The following VPS13D variants were observed in gnomAD, a reference collection of about 807,000 sequenced individuals.
The protein encoded by VPS13D is intermembrane lipid transfer protein VPS13D.
In VPS13D, 187 loss-of-function variants were observed where a neutral mutation model predicts 461.9. That is an observed-to-expected ratio of 0.40 (90% CI 0.36 to 0.46). The LOEUF is 0.46. VPS13D is among the 20% of genes least tolerant of loss of function. VPS13D has a pLI of 0.60. For missense variants in VPS13D, 4,711 were observed against 5,364.9 expected (o/e 0.88, Z 3.81); for synonymous variants, 1,951 against 1,986.3 (o/e 0.98, Z 0.47).
rs1400315397 is a variant in VPS13D at position 12,323,902 on chromosome 1, G to A, written c.7990+122G>A. On this transcript the variant is annotated intron_variant, in intron 35 of 69. Transcript: ENST00000620676. ...AGTGTGTTTGGAGGACGCTTTATGTGTCTTCTCTGGACTGCATATCATCTT... is the reference window on the plus strand; with the variant it reads ...AGTGTGTTTGGAGGACGCTTTATGTATCTTCTCTGGACTGCATATCATCTT... 5.2e-6 allele frequency: 5 copies of A among 959,216 alleles called. No homozygotes were observed. In the African/African-American group the frequency reaches 8.1e-5, roughly 16 times the overall value. The allele number at this position is 959,216 out of a possible 1,614,324, so 59.4% of individuals were successfully genotyped here.
intron 65 of VPS13D, among the ~76,000 whole-genome samples, chr1:12,441,217 G>A (rs890221063): frequency 6.6e-6 from 1 of 152,208 alleles, no homozygotes; most frequent in African/African-American, 2.4e-5. Flanking sequence ...GTGAGCAACT[G>A]TGCCCAACCA....
At chr1:12,250,399 A>C (rs937589898) in intron 6 of VPS13D, among the ~76,000 whole-genome samples, 1 of 152,024 alleles carries the variant, frequency 6.6e-6, no homozygotes, top group African/African-American at 2.4e-5. Context: ...CAACAATGAC[A>C]CTCCTGTCAG....
At chr1:12,251,497 A>G (rs1000259344) in intron 6 of VPS13D, among the ~76,000 whole-genome samples, 2 of 152,076 alleles carry the variant, frequency 1.3e-5, no homozygotes, top group African/African-American at 2.4e-5. Flanking sequence ...AGTGTTTTCC[A>G]TGTCAGGACC....
chr1:12,276,637 G>A lies in VPS13D; in HGVS notation c.3049G>A (p.Asp1017Asn). 6.2e-7 allele frequency: 1 copy of A among 1,614,140 alleles called. No individual in the cohort carries two copies. The highest frequency in any genetic ancestry group is 8.5e-7 in the Non-Finnish European group (1 of 1,180,026). The change falls in exon 19 of 70, where the codon GAC (aspartate) becomes AAC (asparagine). Residue 1017 changes from aspartate (D) to asparagine (N), a missense_variant. By Grantham distance (23) the Asp-to-Asn change is conservative. Transcript: ENST00000620676. The surrounding 1 kb of genome is among the most constrained non-coding windows in gnomAD (Gnocchi z 4.5). The part of the protein sequence containing the change: ...DTMQTYGADF[D>N]LLMASHKNLS... ...CATGCAGACATATGGTGCTGATTTT[G>A]ACCTTTTGATGGCTTCACATAAGAA...
chr1:12,433,947 A>AGT (rs1427096343), intron 65 of VPS13D, among the ~76,000 whole-genome samples: 10 of 149,102 alleles, frequency 6.7e-5, no homozygotes, highest in Admixed American at 6.0e-4. Flanking sequence ...AGAGAGAGAG[A>AGT]GAGTGTGTGT....
chr1:12,349,435 T>A, intron 46 of VPS13D, 61 bp downstream of exon 46: 2 of 1,457,448 alleles, frequency 1.4e-6, no homozygotes, highest in Non-Finnish European at 1.9e-6. Context: ...TTGGAATGAC[T>A]ATTACCATTC....
intron 16 of VPS13D, among the ~76,000 whole-genome samples, chr1:12,270,432 C>CA (rs1317168991): frequency 6.6e-6 from 1 of 151,976 alleles, no homozygotes; most frequent in Non-Finnish European, 1.5e-5. Context: ...GCCTAGGAGA[C>CA]AGAGCGGGAC....
chr1:12,295,899 T>A (rs1211345536), intron 24 of VPS13D, among the ~76,000 whole-genome samples: 5 of 152,192 alleles, frequency 3.3e-5, no homozygotes, highest in African/African-American at 1.2e-4. Flanking sequence ...AAAGAAAAAA[T>A]TTCTAAACGG....
At chr1:12,260,865 G>A (rs1459267331) in intron 11 of VPS13D, 71 bp downstream of exon 11, 13 of 1,608,424 alleles carry the variant, frequency 8.1e-6, no homozygotes, top group Non-Finnish European at 1.1e-5. Flanking sequence ...TGATGTGCTT[G>A]TGCTCCTGTG....
At chr1:12,330,722 A>G (rs1643308507) in intron 37 of VPS13D, among the ~76,000 whole-genome samples, 1 of 151,730 alleles carries the variant, frequency 6.6e-6, no homozygotes, top group African/African-American at 2.4e-5. Context: ...GCTTGCCACC[A>G]TGCCCAGCTA....
intron 26 of VPS13D, 120 bp downstream of exon 26, chr1:12,304,848 T>C: frequency 1.0e-6 from 1 of 983,902 alleles, no homozygotes; most frequent in African/African-American, 1.6e-5. Context: ...AGCATTTCTT[T>C]AACGATGATG....
chr1:12,232,135 T>C (rs574203978), intron 1 of VPS13D, among the ~76,000 whole-genome samples: 27 of 151,066 alleles, frequency 1.8e-4, no homozygotes, highest in African/African-American at 6.4e-4. Flanking sequence ...TTAAAAAATA[T>C]CTTTATATTC....
chr1:12,301,690 C>G (rs1642429234), intron 25 of VPS13D, among the ~76,000 whole-genome samples: 1 of 152,204 alleles, frequency 6.6e-6, no homozygotes, highest in African/African-American at 2.4e-5. Flanking sequence ...ATCTCTAGCC[C>G]CGCTGCTCTC....
At chr1:12,472,570 G>A (rs971564501) in intron 67 of VPS13D, among the ~76,000 whole-genome samples, 3 of 152,126 alleles carry the variant, frequency 2.0e-5, no homozygotes, top group Non-Finnish European at 4.4e-5. Flanking sequence ...TCAGCGCCAC[G>A]TGTCCATCTG....
rs1404535459 is a variant in VPS13D, at chr1:12,311,569, G to C, written c.6766G>C (p.Gly2256Arg). Residue 2256 changes from glycine (G) to arginine (R), a missense_variant, in exon 28 of 70, where the codon GGA (glycine) becomes CGA (arginine). By Grantham distance (125) the Gly-to-Arg change is moderately radical (BLOSUM62 -2). This residue lies in a region of VPS13D where 4,411 missense variants were observed against 4,937.8 expected (regional missense o/e 0.89). Coordinates refer to ENST00000620676, the MANE Select transcript of VPS13D (RefSeq NM_015378.4). Reference protein sequence around the residue: ...LIRGLLENNLGEPIEEFMRPY... With the variant: ...LIRGLLENNLREPIEEFMRPY... ...CCGCGGCTTATTAGAGAACAACCTG[G>C]GAGAACCCATAGAGGAATTTATGCG... 6.2e-7 allele frequency: 1 copy of C among 1,614,002 alleles called. No homozygotes were observed. Among genetic ancestry groups the C allele is most frequent in the East Asian group, 2.2e-5 (1 of 44,898 alleles).
intron 60 of VPS13D, among the ~76,000 whole-genome samples, chr1:12,388,412 T>C (rs1459295678): frequency 6.6e-6 from 1 of 151,784 alleles, no homozygotes; most frequent in East Asian, 1.9e-4. Flanking sequence ...CCATCTCTAC[T>C]AAAAATACAA....
intron 32 of VPS13D, 69 bp from the exon 33 acceptor site, chr1:12,321,739 CT>C: frequency 6.6e-7 from 1 of 1,507,634 alleles, no homozygotes; most frequent in Non-Finnish European, 8.9e-7. Context: ...GAGATAGCCT[CT>C]TTGTGCTGGT....
At chr1:12,343,950 A>G (rs1643623150) in intron 42 of VPS13D, among the ~76,000 whole-genome samples, 1 of 152,316 alleles carries the variant, frequency 6.6e-6, no homozygotes. Context: ...TAGTTTCAGG[A>G]CTCAAAGCTA....
intron 68 of VPS13D, among the ~76,000 whole-genome samples, chr1:12,506,568 A>G (rs147604118): frequency 6.6e-6 from 1 of 152,154 alleles, no homozygotes; most frequent in Non-Finnish European, 1.5e-5. Context: ...CCAGGCAGTG[A>G]ACTTTCTCAG....
Sources: gnomAD v4.1 joint callset for allele counts (sites outside exome capture counted in the v4.1 genomes callset) on GRCh38, gnomAD v4.1.1 for gene constraint, gnomAD v4.1.1 regional missense constraint, Gnocchi (gnomAD v3.1) non-coding constraint, MANE v1.5 for transcripts, NCBI Gene and HGNC (gene_info 2026-07-23, HGNC 2026-07-21) for gene names.